The following GRID2 variants were observed in gnomAD, a reference collection of about 807,000 sequenced individuals.
The protein encoded by GRID2 is glutamate ionotropic receptor delta type subunit 2.
A neutral mutation model predicts 114.8 loss-of-function variants in GRID2; 33 were observed. The ratio of observed to expected loss-of-function variants is 0.29; its 90% CI spans 0.22 to 0.38. GRID2 has a LOEUF of 0.38. Ranked by LOEUF, GRID2 falls within the 10% of genes least tolerant of loss-of-function variation. The pLI, the probability that GRID2 is intolerant of heterozygous loss-of-function variation, is 1.00. For missense variants in GRID2, 1,184 were observed against 1,257.7 expected, an observed-to-expected ratio of 0.94 and a Z score of 0.89; for synonymous variants, 505 against 449.9, an observed-to-expected ratio of 1.12 and a Z score of -1.55.
At chr4:92,585,824 ATTAAT>A (rs1350236067) in intron 1 of GRID2, among the ~76,000 whole-genome samples, 1 of 151,948 alleles carries the variant, frequency 6.6e-6, no homozygotes, top group African/African-American at 2.4e-5. Context: ...TAGTATGATT[ATTAAT>A]TACCTTGTGT....
At chr4:92,731,473 A>G (rs1736326186) in intron 2 of GRID2, among the ~76,000 whole-genome samples, 1 of 151,976 alleles carries the variant, frequency 6.6e-6, no homozygotes, top group East Asian at 1.9e-4. Flanking sequence ...GTGTATTCAG[A>G]AGAAGCTTAT....
chr4:92,657,073 CT>C (rs1732278970), intron 2 of GRID2, among the ~76,000 whole-genome samples: 2 of 151,378 alleles, frequency 1.3e-5, no homozygotes, highest in African/African-American at 4.8e-5. Context: ...AATACTTTTA[CT>C]GTTGCTTTCA....
At chr4:93,391,542 T>A (rs1764853367) in intron 8 of GRID2, among the ~76,000 whole-genome samples, 1 of 152,200 alleles carries the variant, frequency 6.6e-6, no homozygotes, top group African/African-American at 2.4e-5. Context: ...GAATACAAGT[T>A]AATAAATGGA....
intron 14 of GRID2, among the ~76,000 whole-genome samples, chr4:93,703,703 T>A (rs1238511744): frequency 7.1e-6 from 1 of 140,730 alleles, no homozygotes; most frequent in Non-Finnish European, 1.5e-5. Context: ...TGTCCATGTG[T>A]TCTCATTGTT....
At position 93,201,629 on chromosome 4, in the gene GRID2, G is replaced by A. The variant is rs1318277195; in HGVS notation, c.736-5775G>A. ...CAAGCTTAATTTAGTTAAGCCACAAGGTTGAGTGATAAACAGCATGTTGCT... is the reference window on the plus strand; with the variant it reads ...CAAGCTTAATTTAGTTAAGCCACAAAGTTGAGTGATAAACAGCATGTTGCT... On this transcript the variant is annotated intron_variant, in intron 4 of 15. Transcript: ENST00000282020. Among the ~76,000 whole-genome samples, 4 of 152,186 alleles carry A rather than the reference G, an allele frequency of 2.6e-5. No homozygotes were observed. The East Asian group carries it at 5.8e-4, about 22-fold the overall frequency.
At chr4:93,170,882 C>T (rs1738746889) in intron 4 of GRID2, among the ~76,000 whole-genome samples, 1 of 150,444 alleles carries the variant, frequency 6.6e-6, no homozygotes, top group African/African-American at 2.5e-5. Context: ...ATATGCAATT[C>T]AAGAACTATT....
intron 2 of GRID2, among the ~76,000 whole-genome samples, chr4:92,971,415 TA>T (rs1420181171): frequency 2.6e-5 from 4 of 152,030 alleles, no homozygotes; most frequent in African/African-American, 9.7e-5. Flanking sequence ...TTTTTCCTTT[TA>T]TTTTTAGTTG....
At chr4:93,583,392 G>A (rs951939756) in intron 13 of GRID2, among the ~76,000 whole-genome samples, 3 of 151,856 alleles carry the variant, frequency 2.0e-5, no homozygotes, top group Non-Finnish European at 4.4e-5. Context: ...TTTCTTCTTC[G>A]GTGCTGTGGA....
At chr4:93,215,647 A>G (rs978127276) in intron 5 of GRID2, among the ~76,000 whole-genome samples, 2 of 151,858 alleles carry the variant, frequency 1.3e-5, no homozygotes, top group African/African-American at 4.8e-5. Context: ...GCATCATTTT[A>G]TTTTCAGAAA....
chr4:92,982,041 A>G (rs1017642164), intron 2 of GRID2, among the ~76,000 whole-genome samples: 16 of 112,598 alleles, frequency 1.4e-4, no homozygotes, highest in South Asian at 3.3e-4. Context: ...AAAAAAAAAA[A>G]AAAAGAAAAA....
intron 2 of GRID2, among the ~76,000 whole-genome samples, chr4:92,844,404 G>A (rs1399417794): frequency 6.6e-6 from 1 of 151,888 alleles, no homozygotes; most frequent in Non-Finnish European, 1.5e-5. Flanking sequence ...GCCAAGCGTG[G>A]TGGCAGGCGA....
intron 2 of GRID2, among the ~76,000 whole-genome samples, chr4:92,704,514 G>T (rs1384351494): frequency 6.6e-6 from 1 of 152,056 alleles, no homozygotes; most frequent in Non-Finnish European, 1.5e-5. Context: ...GCATACTCAA[G>T]TCTATCCATT....
intron 12 of GRID2, among the ~76,000 whole-genome samples, chr4:93,502,202 C>T (rs1472233000): frequency 6.6e-6 from 1 of 152,088 alleles, no homozygotes; most frequent in Non-Finnish European, 1.5e-5. Flanking sequence ...GACTTAGGTT[C>T]AAGTCTCTTT....
intron 8 of GRID2, among the ~76,000 whole-genome samples, chr4:93,264,473 A>G (rs7691538): frequency 0.71 from 107,066 of 151,404 alleles, 38,587 homozygotes; most frequent in Middle Eastern, 0.86. Flanking sequence ...TTTCCAGCAA[A>G]ACAAGCTATT....
At chr4:92,459,480 C>T (rs1165357410) in intron 1 of GRID2, among the ~76,000 whole-genome samples, 1 of 152,122 alleles carries the variant, frequency 6.6e-6, no homozygotes, top group Non-Finnish European at 1.5e-5. Flanking sequence ...AGTACTACTG[C>T]ATGAGTAAAG....
chr4:92,379,835 A>G (rs899446598), intron 1 of GRID2, among the ~76,000 whole-genome samples: 2 of 152,028 alleles, frequency 1.3e-5, no homozygotes, highest in Admixed American at 6.6e-5. Context: ...ACAGATAGCT[A>G]ATAAAGTTTC....
At chr4:92,881,468 A>G (rs942193157) in intron 2 of GRID2, among the ~76,000 whole-genome samples, 3 of 152,218 alleles carry the variant, frequency 2.0e-5, no homozygotes, top group African/African-American at 7.2e-5. Context: ...GAATTAGTGC[A>G]ATATAAAGAC....
chr4:93,565,426 A>G (rs1344613657), intron 13 of GRID2, among the ~76,000 whole-genome samples: 3 of 152,178 alleles, frequency 2.0e-5, no homozygotes, highest in Non-Finnish European at 4.4e-5. Context: ...ACAATTATCT[A>G]TAAAAGTTTC....
chr4:92,750,750 G>A (rs1245050262), intron 2 of GRID2, among the ~76,000 whole-genome samples: 1 of 152,142 alleles, frequency 6.6e-6, no homozygotes, highest in Admixed American at 6.5e-5. Flanking sequence ...AGTTGATTTT[G>A]AGTCTCAGTA....
Sources: gnomAD v4.1 joint callset for allele counts (sites outside exome capture counted in the v4.1 genomes callset) on GRCh38, gnomAD v4.1.1 for gene constraint, MANE v1.5 for transcripts, NCBI Gene and HGNC (gene_info 2026-07-23, HGNC 2026-07-21) for gene names.